Variants in HUNK observed in about 807,000 individuals in gnomAD.
The protein encoded by HUNK is hormonally up-regulated Neu-associated kinase.
Under a neutral mutation model 61.0 loss-of-function variants are expected in HUNK, and 21 were observed. That is an observed-to-expected ratio of 0.34 (90% confidence interval 0.24 to 0.50). The LOEUF (loss-of-function observed/expected upper bound fraction) is 0.50, where lower values mean the gene tolerates loss of function less well. HUNK is among the 20% of genes least tolerant of loss of function. HUNK has a pLI of 0.98. For synonymous variants in HUNK, 371 were observed against 386.1 expected (o/e 0.96, Z 0.46); for missense variants, 772 against 945.7 (o/e 0.82, Z 2.41).
In HUNK at chr21:31,999,035, A is replaced by T. The variant is rs763962123; in HGVS notation, c.1996A>T (p.Met666Leu). Residue 666 changes from methionine to leucine, a missense_variant, in exon 11 of 11, where the codon ATG becomes TTG. Physicochemically the swap from Met to Leu is conservative, Grantham distance 15. Coordinates refer to ENST00000270112, the MANE Select transcript of HUNK (RefSeq NM_014586.2). ...CVKSRGRFPMMGIGQMLRKRH... is the reference protein window; with the variant it reads ...CVKSRGRFPMLGIGQMLRKRH... The stretch of plus-strand genomic sequence containing the variant: ...GAAAAGCCGAGGCCGGTTCCCTATG[A>T]TGGGCATCGGACAGATGTTAAGGAA... 1.2e-6 allele frequency: 2 copies of T among 1,614,148 alleles called. No homozygotes were observed. The highest frequency in any genetic ancestry group is 1.7e-6 in the Non-Finnish European group (2 of 1,180,018).
intron 1 of HUNK, among the ~76,000 whole-genome samples, chr21:31,882,888 G>A (rs1479949555): frequency 1.3e-5 from 2 of 152,080 alleles, no homozygotes; most frequent in African/African-American, 4.8e-5. Flanking sequence ...TATGTCTTGA[G>A]CATTCTTCCC....
At chr21:31,989,032 G>A (rs923294659) in intron 8 of HUNK, among the ~76,000 whole-genome samples, 7 of 151,974 alleles carry the variant, frequency 4.6e-5, no homozygotes, top group Admixed American at 1.3e-4. Context: ...CATGTTGCCC[G>A]GCTGGTCTTG....
chr21:31,984,850 C>T (rs2053122148), intron 8 of HUNK, among the ~76,000 whole-genome samples: 2 of 152,156 alleles, frequency 1.3e-5, no homozygotes, highest in South Asian at 4.2e-4. Flanking sequence ...AGTCTGTTCT[C>T]ACGCTGCTAA....
rs142458503 is a variant in HUNK at position 31,924,531 on chromosome 21, C to A, written c.325C>A (p.Arg109=). Residue 109 remains arginine (R), a synonymous_variant, in exon 2 of 11, where the codon CGG becomes AGG. Transcript: ENST00000270112. The surrounding 1 kb of genome is among the most constrained non-coding windows in gnomAD (Gnocchi z 5.1). ...KKDTYVTKNL[R]REGQIQQMIR... ...GGACACCTATGTCACCAAAAACCTG[C>A]GGCGAGAGGGTCAGATCCAGCAGAT... 5.8e-5 allele frequency: 94 copies of A among 1,613,946 alleles called. No individual in the cohort carries two copies. The highest frequency in any genetic ancestry group is 7.8e-5 in the Non-Finnish European group (92 of 1,180,004).
chr21:32,000,969 C>T lies in HUNK; in HGVS notation c.*1785C>T. 2.7e-6 allele frequency: 1 copy of T among 376,314 alleles called. No homozygotes were observed. The highest frequency in any genetic ancestry group is 4.7e-6 in the Non-Finnish European group (1 of 212,664). 23.3% of individuals were successfully genotyped at this position (376,314 alleles called of 1,614,324 possible). A position where few individuals can be genotyped will look rare whatever the true frequency, so the allele number is the denominator to read the frequency against. ...GCTTCAGACTGGGTTCCAGAACTTACCATTGAAAACAGAGCTTTTAGGCCA... is the reference window on the plus strand; with the variant it reads ...GCTTCAGACTGGGTTCCAGAACTTATCATTGAAAACAGAGCTTTTAGGCCA... On this transcript the variant is annotated 3_prime_UTR_variant, in exon 11 of 11. Coordinates refer to ENST00000270112, the MANE Select transcript of HUNK (RefSeq NM_014586.2).
chr21:31,889,868 G>C (rs1386309500), intron 1 of HUNK, among the ~76,000 whole-genome samples: 1 of 152,146 alleles, frequency 6.6e-6, no homozygotes, highest in East Asian at 1.9e-4. Context: ...TTTCTTTCCA[G>C]TGTTCAGACT....
At chr21:31,892,613 G>T (rs2052399268) in intron 1 of HUNK, among the ~76,000 whole-genome samples, 1 of 150,928 alleles carries the variant, frequency 6.6e-6, no homozygotes, top group Non-Finnish European at 1.5e-5. Context: ...AAAAGAAATG[G>T]TAGTTGGTTG....
intron 8 of HUNK, among the ~76,000 whole-genome samples, chr21:31,984,013 G>A (rs528955360): frequency 3.3e-5 from 5 of 152,224 alleles, no homozygotes; most frequent in African/African-American, 9.6e-5. Context: ...ACTCATATGT[G>A]AGTGAAACTA....
intron 6 of HUNK, 135 bp downstream of exon 6, chr21:31,968,520 T>G: frequency 1.0e-6 from 1 of 955,670 alleles, no homozygotes; most frequent in African/African-American, 1.6e-5. Context: ...CCCTTCCCCC[T>G]AACACCCACA....
At chr21:31,995,420 T>C (rs2833595) in intron 9 of HUNK, among the ~76,000 whole-genome samples, 109,652 of 152,202 alleles carry the variant, frequency 0.72, 39,882 homozygotes, top group Non-Finnish European at 0.78. Context: ...TCTTTAAATG[T>C]AGACAGTGGG....
intron 4 of HUNK, among the ~76,000 whole-genome samples, chr21:31,955,991 A>G (rs887006884): frequency 1.3e-5 from 2 of 152,236 alleles, no homozygotes; most frequent in Admixed American, 1.3e-4. Flanking sequence ...TTTGCTATGT[A>G]GCATGGAAAC....
At chr21:31,947,900 T>A (rs1395730633) in intron 4 of HUNK, among the ~76,000 whole-genome samples, 2 of 152,042 alleles carry the variant, frequency 1.3e-5, no homozygotes, top group Non-Finnish European at 2.9e-5. Flanking sequence ...GGAGTATTTC[T>A]GGAATTCCCC....
At chr21:31,979,452 G>A (rs549398630) in intron 7 of HUNK, among the ~76,000 whole-genome samples, 47 of 144,014 alleles carry the variant, frequency 3.3e-4, no homozygotes, top group African/African-American at 1.1e-3. Flanking sequence ...TTTGAGAAAT[G>A]TCTTCAGATC....
At chr21:31,898,288 G>A (rs779404530) in intron 1 of HUNK, among the ~76,000 whole-genome samples, 5 of 152,088 alleles carry the variant, frequency 3.3e-5, no homozygotes, top group Non-Finnish European at 5.9e-5. Flanking sequence ...TTTTTGAGAC[G>A]TAGTTTCGCT....
In HUNK at chr21:31,924,424, G is replaced by T. The variant is rs2052645423; in HGVS notation, c.262-44G>T. 4 of 1,574,262 alleles carry T rather than the reference G, an allele frequency of 2.5e-6. No homozygotes were observed. Among genetic ancestry groups the T allele is most frequent in the Non-Finnish European group, 8.6e-7 (1 of 1,157,662 alleles). On this transcript the variant is annotated intron_variant, in intron 1 of 10. Transcript: ENST00000270112. The surrounding 1 kb of genome is among the most constrained non-coding windows in gnomAD (Gnocchi z 5.1). ...TGTGAGTAGCCAAGGCATCGCTATT[G>T]TCTGTAATGTCTGATAACAGGCATG... is the stretch of plus-strand genomic sequence containing the variant.
chr21:31,951,990 T>C (rs188248906), intron 4 of HUNK, among the ~76,000 whole-genome samples: 8 of 151,746 alleles, frequency 5.3e-5, no homozygotes, highest in African/African-American at 1.9e-4. Flanking sequence ...GAGGTTTCCC[T>C]TAGCTTCTGA....
At chr21:31,876,438 T>G (rs2052263002) in intron 1 of HUNK, among the ~76,000 whole-genome samples, 1 of 152,218 alleles carries the variant, frequency 6.6e-6, no homozygotes, top group African/African-American at 2.4e-5. Context: ...CTAATAGATT[T>G]GGGTTTTAGC....
chr21:31,962,889 G>A (rs73901206), intron 5 of HUNK, among the ~76,000 whole-genome samples: 1,898 of 152,340 alleles, frequency 0.012, 44 homozygotes, highest in African/African-American at 0.043. Context: ...CTGGAAAGGT[G>A]GCCCATAGAT....
At chr21:31,876,683 G>C (rs535631557) in intron 1 of HUNK, among the ~76,000 whole-genome samples, 16 of 152,194 alleles carry the variant, frequency 1.1e-4, no homozygotes, top group Non-Finnish European at 2.2e-4. Context: ...GGAAAAGGAG[G>C]TCATTAAGCC....
Sources: allele counts gnomAD v4.1 joint callset (sites outside exome capture counted in the v4.1 genomes callset), GRCh38; gene constraint gnomAD v4.1.1; non-coding constraint Gnocchi (gnomAD v3.1); transcripts MANE v1.5; gene names NCBI Gene and HGNC (gene_info 2026-07-23, HGNC 2026-07-21).